The following MGLL variants were observed in gnomAD, a reference collection of about 807,000 sequenced individuals.
MGLL encodes the protein lysophospholipase homolog.
In MGLL, 7 loss-of-function variants were observed where a neutral mutation model predicts 29.1. The ratio of observed to expected loss-of-function variants is 0.24; its 90% CI spans 0.14 to 0.45. The LOEUF is 0.45. MGLL is among the 20% of genes least tolerant of loss of function. MGLL has a pLI of 0.99. For synonymous variants in MGLL, 148 were observed against 168.3 expected (o/e 0.88, Z 0.93); for missense variants, 356 against 413.6 (o/e 0.86, Z 1.21).
chr3:127,696,186 C>T (rs888648857), intron 6 of MGLL, among the ~76,000 whole-genome samples: 4 of 152,194 alleles, frequency 2.6e-5, no homozygotes, highest in Non-Finnish European at 5.9e-5. Context: ...CAACCACCAC[C>T]CTGTGGATCT....
At chr3:127,776,377 G>C (rs1576273990) in intron 3 of MGLL, among the ~76,000 whole-genome samples, 1 of 151,974 alleles carries the variant, frequency 6.6e-6, no homozygotes, top group Non-Finnish European at 1.5e-5. Context: ...TGAGGGGTGG[G>C]GGAGGGGGAG....
intron 3 of MGLL, among the ~76,000 whole-genome samples, chr3:127,723,985 A>G (rs61211136): frequency 6.6e-6 from 1 of 152,224 alleles, no homozygotes; most frequent in Non-Finnish European, 1.5e-5. Flanking sequence ...ATTAGAACCC[A>G]GACATAGAGG....
chr3:127,707,540 C>T (rs1011846878), intron 6 of MGLL, among the ~76,000 whole-genome samples: 20 of 152,344 alleles, frequency 1.3e-4, no homozygotes, highest in Non-Finnish European at 1.8e-4. Flanking sequence ...TGTGTAGCAA[C>T]TTCTTTGTTC....
At chr3:127,768,976 C>G (rs570677794) in intron 3 of MGLL, among the ~76,000 whole-genome samples, 1 of 152,342 alleles carries the variant, frequency 6.6e-6, no homozygotes, top group South Asian at 2.1e-4. Flanking sequence ...AGAACCACTA[C>G]CATACTCACA....
intron 2 of MGLL, among the ~76,000 whole-genome samples, chr3:127,792,531 GT>G (rs747644334): frequency 1.3e-5 from 2 of 152,068 alleles, no homozygotes; most frequent in Non-Finnish European, 2.9e-5. Context: ...GTGAAACCCC[GT>G]TCTCTACTAA....
intron 3 of MGLL, among the ~76,000 whole-genome samples, chr3:127,754,979 G>A (rs2076632894): frequency 6.6e-6 from 1 of 152,256 alleles, no homozygotes; most frequent in South Asian, 2.1e-4. Context: ...TTGTGTGGGA[G>A]GAACGCGGGT....
intron 3 of MGLL, among the ~76,000 whole-genome samples, chr3:127,730,071 A>G (rs2076120991): frequency 6.6e-6 from 1 of 152,204 alleles, no homozygotes; most frequent in Non-Finnish European, 1.5e-5. Flanking sequence ...TTCAGGCTCA[A>G]AACAGGGCTG....
At chr3:127,746,933 G>A (rs2076457227) in intron 3 of MGLL, among the ~76,000 whole-genome samples, 1 of 152,150 alleles carries the variant, frequency 6.6e-6, no homozygotes, top group African/African-American at 2.4e-5. Flanking sequence ...CTAGGAAGCT[G>A]GTCCCTGGGG....
intron 2 of MGLL, among the ~76,000 whole-genome samples, chr3:127,815,992 G>C (rs1347379073): frequency 6.6e-6 from 1 of 152,206 alleles, no homozygotes; most frequent in East Asian, 1.9e-4. Flanking sequence ...GGAGCCGTAT[G>C]GGGTAGCCAC....
chr3:127,802,470 T>C (rs2077494978), intron 2 of MGLL, among the ~76,000 whole-genome samples: 1 of 152,024 alleles, frequency 6.6e-6, no homozygotes, highest in Non-Finnish European at 1.5e-5. Context: ...GTGCAGAAAA[T>C]ATGTCAGTGC....
At chr3:127,754,080 C>T (rs1372985727) in intron 3 of MGLL, among the ~76,000 whole-genome samples, 4 of 152,216 alleles carry the variant, frequency 2.6e-5, no homozygotes, top group Admixed American at 6.5e-5. Context: ...TGGGTGGTGG[C>T]CCGCTGGGGC....
intron 3 of MGLL, 42 bp downstream of exon 3, chr3:127,781,747 G>C (rs779023301): frequency 1.3e-6 from 2 of 1,563,894 alleles, no homozygotes; most frequent in Non-Finnish European, 1.8e-6. Context: ...TCTCCAAATT[G>C]TCAGGGCCCA....
intron 2 of MGLL, among the ~76,000 whole-genome samples, chr3:127,783,284 T>A (rs893677543): frequency 6.6e-6 from 1 of 151,998 alleles, no homozygotes; most frequent in Non-Finnish European, 1.5e-5. Flanking sequence ...ACACAAGCCA[T>A]GGAGTCAGGA....
At position 127,806,467 on chromosome 3, in the gene MGLL, G is replaced by A. The variant is rs146032417; in HGVS notation, c.155+15227C>T. On this transcript the variant is annotated intron_variant, in intron 2 of 7. Coordinates refer to ENST00000265052, the MANE Select transcript of MGLL (RefSeq NM_007283.7). ...TGGATGGGTGGAAGGGTGGATGAAT[G>A]GGTGGCTGGGTGGATGTATGGGGTG... 7.0e-3 allele frequency among the ~76,000 whole-genome samples: 1,067 copies of A among 152,226 alleles called. 11 individuals are homozygous for A. The highest frequency in any genetic ancestry group is 0.024 in the African/African-American group (996 of 41,544).
chr3:127,790,524 G>C (rs1369580539), intron 2 of MGLL, among the ~76,000 whole-genome samples: 1 of 152,194 alleles, frequency 6.6e-6, no homozygotes, highest in Non-Finnish European at 1.5e-5. Flanking sequence ...GGCAGCAGGA[G>C]ATGAGATGGA....
intron 3 of MGLL, among the ~76,000 whole-genome samples, chr3:127,766,232 G>C (rs1268105483): frequency 6.6e-6 from 1 of 152,004 alleles, no homozygotes; most frequent in East Asian, 1.9e-4. Context: ...TTTTGCTTTT[G>C]AAGCATGTCT....
Position 127,690,353 on chromosome 3 carries a change from C to T in MGLL, c.*1845G>A, listed in dbSNP as rs1465145187. On this transcript the variant is annotated 3_prime_UTR_variant, in exon 8 of 8. Transcript: ENST00000265052. ...GTGGGGACTTGGGCCGGGTCAGCAA[C>T]CAAGCCCCCACCTGCCCCTTGTGGG... 6.6e-6 allele frequency: 1 copy of T among 152,242 alleles called. No homozygotes were observed. Among genetic ancestry groups the T allele is most frequent in the Non-Finnish European group, 1.5e-5 (1 of 68,056 alleles). 9.4% of individuals were successfully genotyped at this position (152,242 alleles called of 1,614,324 possible).
chr3:127,806,754 C>T (rs1003942559), intron 2 of MGLL, among the ~76,000 whole-genome samples: 15 of 151,906 alleles, frequency 9.9e-5, no homozygotes, highest in Non-Finnish European at 1.8e-4. Flanking sequence ...GGGCCAGGCG[C>T]GGTGGCTCAC....
At chr3:127,738,829 C>T (rs553368988) in intron 3 of MGLL, among the ~76,000 whole-genome samples, 6 of 152,292 alleles carry the variant, frequency 3.9e-5, no homozygotes, top group East Asian at 3.9e-4. Context: ...CTGCACCAGC[C>T]GCACAGGCCA....
Sources: allele counts gnomAD v4.1 joint callset (sites outside exome capture counted in the v4.1 genomes callset), GRCh38; gene constraint gnomAD v4.1.1; transcripts MANE v1.5; gene names NCBI Gene and HGNC (gene_info 2026-07-23, HGNC 2026-07-21).